Variants in OGDH observed in about 807,000 individuals in gnomAD.
OGDH encodes the protein oxoglutarate dehydrogenase.
Under a neutral mutation model 116.6 loss-of-function variants are expected in OGDH, and 38 were observed. The observed-to-expected ratio is 0.33, with a 90% CI of 0.25 to 0.43. The LOEUF (loss-of-function observed/expected upper bound fraction) is 0.43, where lower values mean the gene tolerates loss of function less well. Among genes scored for constraint, OGDH ranks in the 20% least tolerant of loss-of-function variants. The pLI is 1.00. For missense variants in OGDH, 825 were observed against 1,357.2 expected, an observed-to-expected ratio of 0.61 and a Z score of 6.16; for synonymous variants, 488 against 533.3, an observed-to-expected ratio of 0.92 and a Z score of 1.17.
Position 44,694,287 on chromosome 7 carries a change from A to C in OGDH, c.1516-137A>C. Reference sequence around the variant, plus strand: ...GAGATACACAGAATCCTAATTCTAGAGAAGGTAAACTCCAGGGCAGGCATG... The same window carrying C: ...GAGATACACAGAATCCTAATTCTAGCGAAGGTAAACTCCAGGGCAGGCATG... On this transcript the variant is annotated intron_variant, in intron 11 of 22. Coordinates refer to ENST00000222673, the MANE Select transcript of OGDH (RefSeq NM_002541.4). The surrounding 1 kb of genome is among the most constrained non-coding windows in gnomAD (Gnocchi z 4.2). The C allele has an allele frequency of 9.2e-7, 1 of 1,090,506 alleles. No homozygotes were observed. The highest frequency in any genetic ancestry group is 1.3e-6 in the Non-Finnish European group (1 of 770,502). The allele number at this position is 1,090,506 out of a possible 1,614,324, so 67.6% of individuals were successfully genotyped here.
intron 3 of OGDH, among the ~76,000 whole-genome samples, chr7:44,645,728 C>T (rs1367443915): frequency 6.6e-6 from 1 of 152,190 alleles, no homozygotes; most frequent in Non-Finnish European, 1.5e-5. Flanking sequence ...TCTCCCAGCA[C>T]CACTAATGCC....
rs777219335 is a variant in OGDH, at chr7:44,645,359, C to T, written c.255C>T (p.Ala85=). Residue 85 remains alanine, a synonymous_variant, in exon 3 of 23, where the codon GCC becomes GCT. Transcript: ENST00000222673. ...SWDIFFRNTN[A]GAPPGTAYQS... ...ACATTTTTTTTCGCAACACGAATGCCGGAGCCCCACCGGGCACTGCCTACC... is the reference window on the plus strand; with the variant it reads ...ACATTTTTTTTCGCAACACGAATGCTGGAGCCCCACCGGGCACTGCCTACC... 1.6e-5 allele frequency: 26 copies of T among 1,614,036 alleles called. No homozygotes were observed. In the East Asian group the frequency reaches 1.8e-4, roughly 11 times the overall value.
chr7:44,633,110 G>A (rs1025043834), intron 2 of OGDH, among the ~76,000 whole-genome samples: 6 of 151,516 alleles, frequency 4.0e-5, no homozygotes, highest in East Asian at 2.0e-4. Flanking sequence ...AAAATTAGCC[G>A]GGCATGGTGG....
chr7:44,657,339 G>A (rs1786735596), intron 4 of OGDH, among the ~76,000 whole-genome samples: 1 of 152,178 alleles, frequency 6.6e-6, no homozygotes, highest in African/African-American at 2.4e-5. Flanking sequence ...TATAAATGTA[G>A]AATCACAGTA....
chr7:44,645,539 G>A (rs552349765), intron 3 of OGDH, 21 bp downstream of exon 3: 26 of 1,609,712 alleles, frequency 1.6e-5, no homozygotes, highest in East Asian at 8.9e-5. Context: ...TGCTTTACCC[G>A]CACACGGGAA....
chr7:44,671,023 A>G (rs1007007917), intron 5 of OGDH, among the ~76,000 whole-genome samples: 6 of 151,618 alleles, frequency 4.0e-5, no homozygotes, highest in African/African-American at 1.4e-4. Context: ...AAAAAAAAAA[A>G]AAAAAGAAAA....
chr7:44,624,312 T>TTTTCA lies in OGDH; in HGVS notation c.-27-5_-27-4insTTTCA. ...TCTTGTTTTTTTTTTTTTTTTTTTG[T>TTTTCA]ACAGGCAGTTGTGAAAAACTTCAGG... On this transcript the variant is annotated splice_region_variant and splice_polypyrimidine_tract_variant and intron_variant, in intron 1 of 22. Transcript: ENST00000222673. 1 of 1,255,816 alleles carries TTTTCA rather than the reference T, an allele frequency of 8.0e-7. No individual in the cohort carries two copies. The highest frequency in any genetic ancestry group is 2.1e-5 in the African/African-American group (1 of 47,646). 77.8% of individuals were successfully genotyped at this position (1,255,816 alleles called of 1,614,324 possible).
chr7:44,620,491 AT>A (rs1032329362), intron 1 of OGDH, among the ~76,000 whole-genome samples: 17 of 152,210 alleles, frequency 1.1e-4, no homozygotes, highest in African/African-American at 4.1e-4. Flanking sequence ...CAGGTCTTTG[AT>A]CCATTTTGAA....
chr7:44,627,357 C>T (rs1785248335), intron 2 of OGDH, among the ~76,000 whole-genome samples: 1 of 152,226 alleles, frequency 6.6e-6, no homozygotes, highest in Non-Finnish European at 1.5e-5. Context: ...GCATCTGTCA[C>T]CCATGAAAGT....
In OGDH at chr7:44,697,820, G is replaced by C. The variant is rs1286658766; in HGVS notation, c.2358+38G>C. ...CCCTTCCCTGCCAGACCTAGGACTT[G>C]GGAAGGGCCTGTGTAGGACCCTGAC... On this transcript the variant is annotated intron_variant, in intron 17 of 22. Transcript: ENST00000222673. This position sits in a 1 kb window ranked among gnomAD's most constrained non-coding sequence, Gnocchi z 6.0. 6.3e-7 allele frequency: 1 copy of C among 1,595,298 alleles called. No individual in the cohort carries two copies.
At chr7:44,680,166 C>T (rs750313405) in intron 9 of OGDH, among the ~76,000 whole-genome samples, 3 of 152,066 alleles carry the variant, frequency 2.0e-5, no homozygotes, top group Non-Finnish European at 2.9e-5. Context: ...GAGCTGAGAT[C>T]GTGCCACTGC....
intron 12 of OGDH, among the ~76,000 whole-genome samples, chr7:44,695,548 C>T (rs940874935): frequency 7.3e-5 from 11 of 151,662 alleles, no homozygotes; most frequent in South Asian, 4.2e-4. Context: ...ACTAAAAATA[C>T]AAAAATTTGC....
chr7:44,634,419 C>G (rs1346808916), intron 2 of OGDH, among the ~76,000 whole-genome samples: 2 of 152,226 alleles, frequency 1.3e-5, no homozygotes, highest in African/African-American at 2.4e-5. Flanking sequence ...GAGCAGCCAC[C>G]TTTAGTCTAG....
chr7:44,678,630 C>A (rs1035700103), intron 9 of OGDH, among the ~76,000 whole-genome samples: 1 of 152,156 alleles, frequency 6.6e-6, no homozygotes, highest in Non-Finnish European at 1.5e-5. Context: ...CACAAGTTTG[C>A]CCTTGCCCCA....
rs868438974 is a variant in OGDH at position 44,652,077 on chromosome 7, C to T, written c.517+4318C>T. The stretch of plus-strand genomic sequence containing the variant: ...TCTCAATTATGTGTGAATTATGTTC[C>T]GTAATTGTGCCAGGTGATGGCTGGA... On this transcript the variant is annotated intron_variant, in intron 4 of 22. Coordinates refer to ENST00000222673, the MANE Select transcript of OGDH (RefSeq NM_002541.4). 2.6e-4 allele frequency among the ~76,000 whole-genome samples: 39 copies of T among 151,378 alleles called. 1 individual carries two copies. Among genetic ancestry groups the T allele is most frequent in the African/African-American group, 8.7e-4 (36 of 41,276 alleles).
chr7:44,679,107 C>G (rs1343625048), intron 9 of OGDH, among the ~76,000 whole-genome samples: 1 of 152,174 alleles, frequency 6.6e-6, no homozygotes, highest in Non-Finnish European at 1.5e-5. Flanking sequence ...CAGACAGTTA[C>G]CACAGTGCAG....
At chr7:44,648,698 T>G (rs1786301408) in intron 4 of OGDH, among the ~76,000 whole-genome samples, 1 of 152,212 alleles carries the variant, frequency 6.6e-6, no homozygotes, top group Non-Finnish European at 1.5e-5. Flanking sequence ...TAGGCATTAC[T>G]AAGTTATGTC....
At chr7:44,637,054 C>T (rs1785701966) in intron 2 of OGDH, among the ~76,000 whole-genome samples, 1 of 152,076 alleles carries the variant, frequency 6.6e-6, no homozygotes, top group South Asian at 2.1e-4. Context: ...TGGTTTTCTC[C>T]TTAATCTCCC....
intron 10 of OGDH, among the ~76,000 whole-genome samples, chr7:44,688,721 C>T (rs116136045): frequency 0.015 from 2,343 of 151,882 alleles, 64 homozygotes; most frequent in African/African-American, 0.053. Context: ...TGAGCCACAG[C>T]GCCAGGCCTT....
Sources: allele counts gnomAD v4.1 joint callset (sites outside exome capture counted in the v4.1 genomes callset), GRCh38; gene constraint gnomAD v4.1.1; non-coding constraint Gnocchi (gnomAD v3.1); transcripts MANE v1.5; gene names NCBI Gene and HGNC (gene_info 2026-07-23, HGNC 2026-07-21).